The following TRAT1 variants were observed in gnomAD, a reference collection of about 807,000 sequenced individuals.
TRAT1 encodes T-cell receptor-associated transmembrane adapter 1.
A neutral mutation model predicts 20.0 loss-of-function variants in TRAT1; 20 were observed. That is an observed-to-expected ratio of 1.00 (90% CI 0.70 to 1.45). TRAT1 has a LOEUF of 1.45. Ranked by LOEUF, TRAT1 falls within the 40% of genes most tolerant of loss-of-function variation. TRAT1 has a pLI of 0.00. For missense variants in TRAT1, 237 were observed against 224.1 expected (o/e 1.06, Z -0.37); for synonymous variants, 77 against 74.2 (o/e 1.04, Z -0.20).
chr3:108,830,979 G>C (rs1945787269), intron 2 of TRAT1, among the ~76,000 whole-genome samples, 199 bp downstream of exon 2: 1 of 152,218 alleles, frequency 6.6e-6, no homozygotes, highest in African/African-American at 2.4e-5. Flanking sequence ...ATGTGAAATA[G>C]TTATCCAATT....
At chr3:108,825,649 A>T (rs983126508) in intron 1 of TRAT1, among the ~76,000 whole-genome samples, 3 of 152,182 alleles carry the variant, frequency 2.0e-5, no homozygotes, top group Admixed American at 1.3e-4. Context: ...AAGATTGTCA[A>T]TTAAAGATCA....
At chr3:108,851,738 T>C (rs1359539492) in intron 5 of TRAT1, among the ~76,000 whole-genome samples, 1 of 152,224 alleles carries the variant, frequency 6.6e-6, no homozygotes, top group Non-Finnish European at 1.5e-5. Flanking sequence ...CACATTCATT[T>C]ACCCTGGCTA....
chr3:108,829,661 TA>T (rs761706350), intron 1 of TRAT1, among the ~76,000 whole-genome samples: 15 of 151,446 alleles, frequency 9.9e-5, no homozygotes, highest in Non-Finnish European at 2.1e-4. Flanking sequence ...GGTGGTCCCT[TA>T]AGATTATAAT....
intron 1 of TRAT1, among the ~76,000 whole-genome samples, chr3:108,828,050 T>C (rs995505819): frequency 6.6e-6 from 1 of 152,162 alleles, no homozygotes; most frequent in African/African-American, 2.4e-5. Context: ...ATTTGAAATA[T>C]AATTTTGTCC....
chr3:108,853,478 T>C, intron 5 of TRAT1, 142 bp from the exon 6 acceptor site: 1 of 950,138 alleles, frequency 1.1e-6, no homozygotes, highest in Non-Finnish European at 1.6e-6. Flanking sequence ...TTTGTTTTTG[T>C]TTTTTGTACT....
chr3:108,845,666 A>G (rs922218304), intron 3 of TRAT1, among the ~76,000 whole-genome samples: 2 of 152,124 alleles, frequency 1.3e-5, no homozygotes, highest in Non-Finnish European at 2.9e-5. Context: ...TCAGTGGCAT[A>G]GAGAGTAATA....
intron 2 of TRAT1, among the ~76,000 whole-genome samples, chr3:108,833,518 A>G (rs1945813481): frequency 6.6e-6 from 1 of 152,210 alleles, no homozygotes. Context: ...CAAGCATGCC[A>G]TAAGCAGCTC....
intron 1 of TRAT1, among the ~76,000 whole-genome samples, chr3:108,825,274 T>A (rs943589661): frequency 6.6e-6 from 1 of 152,200 alleles, no homozygotes; most frequent in South Asian, 2.1e-4. Context: ...AGTCACTGCA[T>A]CATCCATAAT....
Position 108,847,125 on chromosome 3 carries a change from T to G in TRAT1, c.210T>G (p.Ile70Met). The G allele has an allele frequency of 6.5e-7, 1 of 1,533,548 alleles. No individual in the cohort carries two copies. The highest frequency in any genetic ancestry group is 8.9e-7 in the Non-Finnish European group (1 of 1,118,566). The allele number at this position is 1,533,548 out of a possible 1,614,324, so 95.0% of individuals were successfully genotyped here. A position where few individuals can be genotyped will look rare whatever the true frequency, so the allele number is the denominator to read the frequency against. Reference sequence around the variant, plus strand: ...TTTATGGTAACTTAGATGATATGATTTCAGGTAAGTTTTCCATAAGTTAAA... The same window carrying G: ...TTTATGGTAACTTAGATGATATGATGTCAGGTAAGTTTTCCATAAGTTAAA... ...TPIYGNLDDM[I>M]SEPMDENCYE... Residue 70 changes from isoleucine to methionine, a missense_variant, in exon 4 of 6, where the codon ATT becomes ATG. By Grantham distance (10) the Ile-to-Met change is conservative. Coordinates refer to ENST00000295756, the MANE Select transcript of TRAT1 (RefSeq NM_016388.4).
chr3:108,848,888 C>G (rs1313246423), intron 4 of TRAT1, among the ~76,000 whole-genome samples: 1 of 152,144 alleles, frequency 6.6e-6, no homozygotes, highest in Non-Finnish European at 1.5e-5. Flanking sequence ...TTAAGACTGT[C>G]ATGTCCTGCA....
chr3:108,831,897 T>TAAAAG (rs996275927), intron 2 of TRAT1, among the ~76,000 whole-genome samples: 4 of 151,818 alleles, frequency 2.6e-5, no homozygotes, highest in East Asian at 1.9e-4. Context: ...TAAGTGGTAA[T>TAAAAG]AAAAGAAAAG....
chr3:108,830,013 T>G (rs1317676673), intron 1 of TRAT1, among the ~76,000 whole-genome samples: 1 of 152,176 alleles, frequency 6.6e-6, no homozygotes, highest in Non-Finnish European at 1.5e-5. Flanking sequence ...ATGTGTGTCA[T>G]TGCCCTTGAA....
chr3:108,848,506 A>G (rs889891527), intron 4 of TRAT1, among the ~76,000 whole-genome samples: 2 of 152,146 alleles, frequency 1.3e-5, no homozygotes, highest in African/African-American at 2.4e-5. Flanking sequence ...AAAGGTATGG[A>G]TGATTCAAAA....
At chr3:108,844,314 T>C (rs932333351) in intron 3 of TRAT1, among the ~76,000 whole-genome samples, 1 of 150,664 alleles carries the variant, frequency 6.6e-6, no homozygotes, top group African/African-American at 2.5e-5. Context: ...CAGGTAGAAG[T>C]AGTGATTTTT....
Position 108,849,114 on chromosome 3 carries a change from A to G in TRAT1, c.215-52A>G, listed in dbSNP as rs372684266. The stretch of plus-strand genomic sequence containing the variant: ...GTTTGGATCATGTATTTTTAATCAT[A>G]CTAGTATTTTTAAATTTTCTATTGT... On this transcript the variant is annotated intron_variant, in intron 4 of 5. Coordinates refer to ENST00000295756, the MANE Select transcript of TRAT1 (RefSeq NM_016388.4). 1.1e-3 allele frequency: 1,595 copies of G among 1,426,510 alleles called. 36 individuals carry two copies. In the South Asian group the frequency reaches 0.017, roughly 16 times the overall value. The allele number at this position is 1,426,510 out of a possible 1,614,324, so 88.4% of individuals were successfully genotyped here. A position where few individuals can be genotyped will look rare whatever the true frequency, so the allele number is the denominator to read the frequency against.
intron 3 of TRAT1, among the ~76,000 whole-genome samples, chr3:108,842,500 C>G (rs954680779): frequency 6.6e-6 from 1 of 152,164 alleles, no homozygotes; most frequent in Non-Finnish European, 1.5e-5. Context: ...CCCAGTACCA[C>G]ATGTGTAACC....
At chr3:108,825,170 A>G (rs6791944) in intron 1 of TRAT1, among the ~76,000 whole-genome samples, 15 of 152,166 alleles carry the variant, frequency 9.9e-5, no homozygotes, top group African/African-American at 3.4e-4. Context: ...AATAAATTTG[A>G]ACACACACAA....
At chr3:108,851,044 T>C (rs932368639) in intron 5 of TRAT1, among the ~76,000 whole-genome samples, 2 of 152,150 alleles carry the variant, frequency 1.3e-5, no homozygotes, top group Non-Finnish European at 2.9e-5. Flanking sequence ...TAAATTTAGT[T>C]TCACAAATTA....
chr3:108,832,634 A>G (rs1559821007), intron 2 of TRAT1, among the ~76,000 whole-genome samples: 1 of 152,176 alleles, frequency 6.6e-6, no homozygotes, highest in Non-Finnish European at 1.5e-5. Context: ...AAATAATTTA[A>G]GGTGACAACC....
Sources: gnomAD v4.1 joint callset for allele counts (sites outside exome capture counted in the v4.1 genomes callset) on GRCh38, gnomAD v4.1.1 for gene constraint, MANE v1.5 for transcripts, NCBI Gene and HGNC (gene_info 2026-07-23, HGNC 2026-07-21) for gene names.